The following UGGT2 variants were observed in gnomAD, a reference collection of about 807,000 sequenced individuals.
UGGT2 encodes the protein UDP-glucose:glycoprotein glucosyltransferase 2.
Under a neutral mutation model 192.1 loss-of-function variants are expected in UGGT2, and 180 were observed. The observed-to-expected ratio is 0.94, with a 90% CI of 0.83 to 1.06. UGGT2 has a LOEUF of 1.06. Among genes scored for constraint, UGGT2 ranks in the 50% least tolerant of loss-of-function variants. UGGT2 has a pLI of 0.00. For synonymous variants in UGGT2, 580 were observed against 591.0 expected (o/e 0.98, Z 0.27); for missense variants, 1,849 against 1,795.7 (o/e 1.03, Z -0.54).
intron 38 of UGGT2, among the ~76,000 whole-genome samples, chr13:95,809,109 A>T (rs1369337479): frequency 6.6e-6 from 1 of 152,238 alleles, no homozygotes; most frequent in Non-Finnish European, 1.5e-5. Flanking sequence ...ACCCAAAAAT[A>T]AACTGGTGAA....
chr13:96,040,901 G>T (rs2053146283), intron 1 of UGGT2, among the ~76,000 whole-genome samples: 2 of 152,142 alleles, frequency 1.3e-5, no homozygotes, highest in Admixed American at 1.3e-4. Context: ...CTGATTTGGA[G>T]CTAAGTGTGA....
Position 95,854,420 on chromosome 13 carries a change from T to A in UGGT2, c.4064A>T (p.Tyr1355Phe). Residue 1355 changes from tyrosine to phenylalanine, a missense_variant, in exon 35 of 39, where the codon TAT (tyrosine) becomes TTT (phenylalanine). Tyr to Phe is a conservative substitution (Grantham distance 22). Transcript: ENST00000376747. The part of the protein sequence containing the change: ...LRDFDLDGAP[Y>F]GYTPFCDSRR... ...GCTATCACAAAATGGAGTATACCCA[T>A]AAGGAGCTCCATCCAGATCGAAATC... 6.2e-7 allele frequency: 1 copy of A among 1,613,610 alleles called. No homozygotes were observed. The highest frequency in any genetic ancestry group is 8.5e-7 in the Non-Finnish European group (1 of 1,179,790).
rs575986900 is a variant in UGGT2, at chr13:95,900,825, A to G, written c.2616T>C (p.Gly872=). ...DVLKLRPGEM[G]IVSNGRFLGP... ...TACTTACTCTCCCATTGCTGACAATACCCATTTCTCCAGGACGTAATTTAA... is the reference window on the plus strand; with the variant it reads ...TACTTACTCTCCCATTGCTGACAATGCCCATTTCTCCAGGACGTAATTTAA... Residue 872 remains glycine (G), a synonymous_variant, in exon 22 of 39, where the codon GGT becomes GGC. Coordinates refer to ENST00000376747, the MANE Select transcript of UGGT2 (RefSeq NM_020121.4). 3.1e-6 allele frequency: 5 copies of G among 1,609,510 alleles called. No homozygotes were observed. In the South Asian group the frequency reaches 3.3e-5, roughly 11 times the overall value.
chr13:95,931,651 T>C (rs1320809575), intron 17 of UGGT2, among the ~76,000 whole-genome samples: 1 of 151,966 alleles, frequency 6.6e-6, no homozygotes, highest in Non-Finnish European at 1.5e-5. Context: ...AGCACAGTGC[T>C]GGCCCAGCGC....
chr13:96,027,891 T>C (rs934025457), intron 2 of UGGT2, among the ~76,000 whole-genome samples: 15 of 152,230 alleles, frequency 9.9e-5, no homozygotes, highest in African/African-American at 3.4e-4. Context: ...ACTTGATCTG[T>C]CTACAGTATT....
intron 16 of UGGT2, among the ~76,000 whole-genome samples, chr13:95,938,248 G>A (rs79978469): frequency 1.4e-3 from 214 of 152,262 alleles, no homozygotes; most frequent in African/African-American, 4.7e-3. Context: ...GTGAAATATG[G>A]GGGACAGCTG....
chr13:95,904,992 C>A (rs1222722341), intron 20 of UGGT2, among the ~76,000 whole-genome samples: 7 of 151,948 alleles, frequency 4.6e-5, no homozygotes, highest in African/African-American at 1.5e-4. Flanking sequence ...GCCATTCTAA[C>A]TGGTGTGAGA....
At chr13:95,815,984 C>A (rs374057438) in intron 38 of UGGT2, among the ~76,000 whole-genome samples, 2 of 152,098 alleles carry the variant, frequency 1.3e-5, no homozygotes, top group East Asian at 3.9e-4. Flanking sequence ...GCACCTTCCC[C>A]TTCTCTCTCG....
At chr13:96,019,246 G>A (rs893894612) in intron 4 of UGGT2, among the ~76,000 whole-genome samples, 1 of 150,136 alleles carries the variant, frequency 6.7e-6, no homozygotes, top group Non-Finnish European at 1.5e-5. Context: ...CTGAGTCAAA[G>A]AGCTTGATTA....
intron 6 of UGGT2, 56 bp from the exon 7 acceptor site, chr13:95,996,191 G>T: frequency 3.4e-6 from 5 of 1,486,832 alleles, no homozygotes; most frequent in Middle Eastern, 1.7e-4. Flanking sequence ...ACTGGGAAAA[G>T]AACATGTAAT....
chr13:95,828,533 T>C (rs940659368), intron 38 of UGGT2, among the ~76,000 whole-genome samples: 6 of 152,158 alleles, frequency 3.9e-5, no homozygotes, highest in East Asian at 1.9e-4. Context: ...GAGAGTATTA[T>C]AGACAACTCT....
Position 95,884,631 on chromosome 13 carries a change from C to T in UGGT2, c.3088G>A (p.Val1030Ile), listed in dbSNP as rs147964392. The T allele has an allele frequency of 9.9e-6, 16 of 1,613,636 alleles. No homozygotes were observed. The highest frequency in any genetic ancestry group is 9.3e-5 in the African/African-American group (7 of 74,886). Residue 1030 changes from valine to isoleucine, a missense_variant, in exon 27 of 39, where the codon GTT (valine) becomes ATT (isoleucine). Physicochemically the swap from Val to Ile is conservative, Grantham distance 29. Coordinates refer to ENST00000376747, the MANE Select transcript of UGGT2 (RefSeq NM_020121.4). ...TTTGCCACTGGTCCAAGAGAAGAAA[C>T]GTCATTAGCCCCTGACATCAGTTCT... ...EPELMSGAND[V>I]SSLGPVAKFL...
intron 5 of UGGT2, among the ~76,000 whole-genome samples, chr13:96,012,521 A>T (rs754777183): frequency 1.3e-5 from 2 of 152,100 alleles, no homozygotes; most frequent in Non-Finnish European, 1.5e-5. Flanking sequence ...AAAATATATT[A>T]AAAACACCTA....
intron 16 of UGGT2, among the ~76,000 whole-genome samples, chr13:95,938,569 T>C (rs1476119235): frequency 6.6e-6 from 1 of 152,204 alleles, no homozygotes; most frequent in African/African-American, 2.4e-5. Flanking sequence ...TCTTAACCAC[T>C]GTACTATACT....
chr13:96,053,216 T>G lies in UGGT2; in HGVS notation c.97A>C (p.Lys33Gln). Reference protein sequence around the residue: ...QLGSGTVAASKSVTAHLAAKW... With the variant: ...QLGSGTVAASQSVTAHLAAKW... ...GCGGCCAAGTGGGCAGTCACCGACT[T>G]GGACGCGGCGACCGTCCCGGAGCCG... is the stretch of plus-strand genomic sequence containing the variant. The change falls in exon 1 of 39, where the codon AAG (lysine) becomes CAG (glutamine). Residue 33 changes from lysine (K) to glutamine (Q), a missense_variant. By Grantham distance (53) the Lys-to-Gln change is moderately conservative. Coordinates refer to ENST00000376747, the MANE Select transcript of UGGT2 (RefSeq NM_020121.4). 1 of 1,537,118 alleles carries G rather than the reference T, an allele frequency of 6.5e-7. No individual in the cohort carries two copies. Among genetic ancestry groups the G allele is most frequent in the Non-Finnish European group, 8.7e-7 (1 of 1,148,390 alleles).
At chr13:95,926,264 G>C (rs950457122) in intron 19 of UGGT2, among the ~76,000 whole-genome samples, 1 of 152,006 alleles carries the variant, frequency 6.6e-6, no homozygotes, top group Admixed American at 6.6e-5. Flanking sequence ...GTAGAAACTC[G>C]GATTTAATCT....
At chr13:95,884,324 T>C (rs1369986759) in intron 27 of UGGT2, among the ~76,000 whole-genome samples, 167 bp downstream of exon 27, 1 of 152,110 alleles carries the variant, frequency 6.6e-6, no homozygotes, top group Non-Finnish European at 1.5e-5. Flanking sequence ...GTTTGGAAAT[T>C]AGAAAAACTT....
At chr13:96,009,617 G>A (rs746786293) in intron 5 of UGGT2, among the ~76,000 whole-genome samples, 1 of 152,140 alleles carries the variant, frequency 6.6e-6, no homozygotes, top group Non-Finnish European at 1.5e-5. Flanking sequence ...AGACCATCCT[G>A]GCCAACATGC....
At chr13:95,966,342 T>C (rs2050578836) in intron 12 of UGGT2, among the ~76,000 whole-genome samples, 1 of 152,094 alleles carries the variant, frequency 6.6e-6, no homozygotes, top group Non-Finnish European at 1.5e-5. Flanking sequence ...ATAAAAATAT[T>C]GACCTCATGG....
Sources: allele counts gnomAD v4.1 joint callset (sites outside exome capture counted in the v4.1 genomes callset), GRCh38; gene constraint gnomAD v4.1.1; transcripts MANE v1.5; gene names NCBI Gene and HGNC (gene_info 2026-07-23, HGNC 2026-07-21).